PSMA1: variants seen among roughly 807,000 people sequenced by gnomAD.
PSMA1 encodes the protein proteasome subunit alpha type-1.
A neutral mutation model predicts 38.4 loss-of-function variants in PSMA1; 3 were observed. That is an observed-to-expected ratio of 0.08 (90% CI 0.04 to 0.20). The LOEUF is 0.20. Ranked by LOEUF, PSMA1 falls within the 10% of genes least tolerant of loss-of-function variation. The probability of loss-of-function intolerance (pLI) is 1.00; values close to 1 mark genes in which losing one functional copy is unlikely to be tolerated. For synonymous variants in PSMA1, 101 were observed against 107.1 expected (o/e 0.94, Z 0.35); for missense variants, 227 against 325.3 (o/e 0.70, Z 2.32).
chr11:14,586,962 A>G (rs1215730895), intron 2 of PSMA1, among the ~76,000 whole-genome samples: 1 of 152,080 alleles, frequency 6.6e-6, no homozygotes, highest in Non-Finnish European at 1.5e-5. Context: ...GGGTTCCACT[A>G]TGTTGGCCAG....
rs1565034098 is a variant in PSMA1, at chr11:14,517,547, C to T, written c.254+95G>A. The T allele has an allele frequency of 2.9e-6, 3 of 1,022,408 alleles. No individual in the cohort carries two copies. In the East Asian group the frequency reaches 8.0e-5, roughly 27 times the overall value. The allele number at this position is 1,022,408 out of a possible 1,614,324, so 63.3% of individuals were successfully genotyped here. A position where few individuals can be genotyped will look rare whatever the true frequency, so the allele number is the denominator to read the frequency against. On this transcript the variant is annotated intron_variant, in intron 4 of 9. Coordinates refer to ENST00000396394, the MANE Select transcript of PSMA1 (RefSeq NM_002786.4). Reference sequence around the variant, plus strand: ...TAATCTTAATTTACAAGAACTTTGGCAGACAACTTCCTAAAATACCTTATC... The same window carrying T: ...TAATCTTAATTTACAAGAACTTTGGTAGACAACTTCCTAAAATACCTTATC...
intron 2 of PSMA1, among the ~76,000 whole-genome samples, chr11:14,588,077 C>A (rs564502544): frequency 6.6e-6 from 1 of 152,266 alleles, no homozygotes; most frequent in African/African-American, 2.4e-5. Flanking sequence ...GATGTGACAA[C>A]AACTAAGTCT....
At chr11:14,616,077 TTGGCC>T (rs1852768991) in intron 1 of PSMA1, among the ~76,000 whole-genome samples, 1 of 152,158 alleles carries the variant, frequency 6.6e-6, no homozygotes, top group Admixed American at 6.5e-5. Context: ...TCTGAGATGC[TTGGCC>T]TGGCATCTGG....
intron 2 of PSMA1, among the ~76,000 whole-genome samples, chr11:14,552,776 C>G (rs891427644): frequency 3.3e-5 from 5 of 149,428 alleles, no homozygotes; most frequent in Admixed American, 2.0e-4. Flanking sequence ...TAAAGGTAAA[C>G]TTTAATCCCT....
chr11:14,584,880 C>T (rs775808064), intron 2 of PSMA1, among the ~76,000 whole-genome samples: 2 of 152,140 alleles, frequency 1.3e-5, no homozygotes, highest in South Asian at 2.1e-4. Flanking sequence ...GGTCCCATGA[C>T]GAGGATCAGA....
chr11:14,542,918 A>G (rs923878500), intron 2 of PSMA1, among the ~76,000 whole-genome samples: 4 of 152,090 alleles, frequency 2.6e-5, no homozygotes, highest in African/African-American at 9.7e-5. Context: ...TGCCGCGGCA[A>G]GATCTCGGCT....
At chr11:14,532,340 C>T (rs891939561) in intron 2 of PSMA1, among the ~76,000 whole-genome samples, 4 of 152,206 alleles carry the variant, frequency 2.6e-5, no homozygotes, top group African/African-American at 9.7e-5. Context: ...TGCGGTGGCT[C>T]ACGCCTGTAA....
intron 1 of PSMA1, among the ~76,000 whole-genome samples, chr11:14,618,214 C>A (rs1479516379): frequency 6.6e-6 from 1 of 152,186 alleles, no homozygotes; most frequent in Non-Finnish European, 1.5e-5. Flanking sequence ...TTTAATTTAT[C>A]CTGCTTTTCT....
At chr11:14,575,129 G>C (rs936953021) in intron 2 of PSMA1, among the ~76,000 whole-genome samples, 1 of 152,142 alleles carries the variant, frequency 6.6e-6, no homozygotes, top group South Asian at 2.1e-4. Context: ...ATGAACTCTT[G>C]CTTTGCTTTA....
In PSMA1 at chr11:14,534,333, G is replaced by A. The variant is rs569361859; in HGVS notation, c.22-15292C>T. On this transcript the variant is annotated intron_variant, in intron 2 of 10. Transcript: ENST00000418988. The surrounding 1 kb of genome is among the most constrained non-coding windows in gnomAD (Gnocchi z 4.5). ...CATTAAACCACGAACATTTCTTCAT[G>A]TCACATGCTTTAAATGTCTGTATAG... 3.9e-5 allele frequency among the ~76,000 whole-genome samples: 6 copies of A among 152,050 alleles called. No homozygotes were observed. Among genetic ancestry groups the A allele is most frequent in the Non-Finnish European group, 7.4e-5 (5 of 68,026 alleles).
At chr11:14,625,828 A>G (rs1852902505) in intron 1 of PSMA1, among the ~76,000 whole-genome samples, 4 of 152,188 alleles carry the variant, frequency 2.6e-5, no homozygotes, top group Admixed American at 2.0e-4. Context: ...ACTTTCCACA[A>G]TAAGTCACTT....
intron 1 of PSMA1, among the ~76,000 whole-genome samples, chr11:14,615,406 G>A (rs573084702): frequency 2.0e-5 from 3 of 152,172 alleles, no homozygotes; most frequent in Non-Finnish European, 2.9e-5. Flanking sequence ...TGAACAGTGG[G>A]ACACGCTGAA....
chr11:14,563,391 A>C (rs532695494), intron 2 of PSMA1, among the ~76,000 whole-genome samples: 17 of 152,318 alleles, frequency 1.1e-4, no homozygotes, highest in Admixed American at 9.8e-4. Context: ...ACGAATAAGC[A>C]GAGTTAATTG....
At chr11:14,544,401 G>GA (rs1268386232) in intron 2 of PSMA1, among the ~76,000 whole-genome samples, 3 of 150,050 alleles carry the variant, frequency 2.0e-5, no homozygotes, top group Non-Finnish European at 3.0e-5. Context: ...CCACAGAATG[G>GA]AAAAAAAAAT....
At chr11:14,598,118 T>G (rs1852525266) in intron 2 of PSMA1, among the ~76,000 whole-genome samples, 1 of 152,160 alleles carries the variant, frequency 6.6e-6, no homozygotes, top group Admixed American at 6.5e-5. Flanking sequence ...GAGAGACAGT[T>G]TGTTATAATT....
At chr11:14,612,955 G>T (rs937415299) in intron 1 of PSMA1, among the ~76,000 whole-genome samples, 6 of 152,018 alleles carry the variant, frequency 3.9e-5, no homozygotes, top group African/African-American at 1.4e-4. Context: ...CAGTGTCAAT[G>T]GTGCCCATTG....
chr11:14,587,523 G>A (rs897440888), intron 2 of PSMA1, among the ~76,000 whole-genome samples: 16 of 151,510 alleles, frequency 1.1e-4, no homozygotes, highest in Admixed American at 1.1e-3. Context: ...CTTCTTCACT[G>A]CTCCATTCAT....
intron 2 of PSMA1, among the ~76,000 whole-genome samples, chr11:14,553,105 G>A (rs904104105): frequency 2.8e-4 from 42 of 152,046 alleles, no homozygotes; most frequent in African/African-American, 8.9e-4. Context: ...GATTACAGGT[G>A]TGAGCCATTA....
intron 4 of PSMA1, among the ~76,000 whole-genome samples, chr11:14,516,877 G>C (rs1289842449): frequency 2.6e-5 from 4 of 152,124 alleles, no homozygotes; most frequent in Non-Finnish European, 5.9e-5. Flanking sequence ...AGTGAGCTGA[G>C]ATCACACCAC....
Sources: allele counts gnomAD v4.1 joint callset (sites outside exome capture counted in the v4.1 genomes callset), GRCh38; gene constraint gnomAD v4.1.1; non-coding constraint Gnocchi (gnomAD v3.1); transcripts MANE v1.5; gene names NCBI Gene and HGNC (gene_info 2026-07-23, HGNC 2026-07-21).